Variants in CHRM3 observed in about 807,000 individuals in gnomAD.
The protein encoded by CHRM3 is muscarinic acetylcholine receptor M3.
CHRM3 carries 11 observed loss-of-function variants against 41.8 expected under a neutral mutation model. The ratio of observed to expected loss-of-function variants is 0.26; its 90% confidence interval spans 0.17 to 0.44. The LOEUF (loss-of-function observed/expected upper bound fraction) is 0.44. Ranked by LOEUF, CHRM3 falls within the 20% of genes least tolerant of loss-of-function variation. The pLI is 1.00. For missense variants in CHRM3, 571 were observed against 745.4 expected (o/e 0.77, Z 2.72); for synonymous variants, 297 against 301.4 (o/e 0.99, Z 0.15).
At chr1:239,739,076 C>A (rs970894501) in intron 5 of CHRM3, among the ~76,000 whole-genome samples, 6 of 152,162 alleles carry the variant, frequency 3.9e-5, no homozygotes, top group African/African-American at 1.4e-4. Context: ...CTGTTCTGAG[C>A]AGATTCTATC....
At position 239,386,867 on chromosome 1, in the gene CHRM3, G is replaced by C. The variant is rs1363875611; in HGVS notation, c.-881G>C. The C allele has an allele frequency of 6.6e-6, 1 of 151,962 alleles. No homozygotes were observed. 9.4% of individuals were successfully genotyped at this position (151,962 alleles called of 1,614,324 possible). ...CACAGGGCGCGGGGGCGGCACTGCC[G>C]AGCCGGGAGCGCTGCCGCTTGGGCA... On this transcript the variant is annotated 5_prime_UTR_variant, in exon 1 of 7. Transcript: ENST00000676153.
chr1:239,462,764 A>G (rs1665452003), intron 1 of CHRM3, among the ~76,000 whole-genome samples: 1 of 152,258 alleles, frequency 6.6e-6, no homozygotes, highest in Admixed American at 6.5e-5. Flanking sequence ...AGTTTACTTA[A>G]CAACTGTTTC....
At chr1:239,623,526 T>G (rs1428826686) in intron 3 of CHRM3, among the ~76,000 whole-genome samples, 1 of 134,404 alleles carries the variant, frequency 7.4e-6, no homozygotes, top group Non-Finnish European at 1.6e-5. Flanking sequence ...ACTCTAAGTT[T>G]TAGGGTACAT....
In CHRM3 at chr1:239,580,689, TTA is replaced by T. The variant is rs1165930612; in HGVS notation, c.-313+34955_-313+34956del. ...GCCACTCAGGCTACTTTGCCCAATT[TTA>T]TATATATATATATACACACACACAC... is the stretch of plus-strand genomic sequence containing the variant. On this transcript the variant is annotated intron_variant, in intron 3 of 6. Transcript: ENST00000676153. Among the ~76,000 whole-genome samples, 157 of 65,140 alleles carry T rather than the reference TTA, an allele frequency of 2.4e-3. 3 individuals carry two copies. The highest frequency in any genetic ancestry group is 5.4e-3 in the African/African-American group (152 of 28,324). 42.7% of individuals were successfully genotyped at this position (65,140 alleles called of 152,430 possible).
chr1:239,694,935 G>A (rs748500404), intron 5 of CHRM3, among the ~76,000 whole-genome samples: 1 of 150,886 alleles, frequency 6.6e-6, no homozygotes, highest in Non-Finnish European at 1.5e-5. Context: ...TGTCTATGCT[G>A]CAGACCAAAA....
At chr1:239,491,744 T>C (rs1411395785) in intron 1 of CHRM3, among the ~76,000 whole-genome samples, 1 of 152,232 alleles carries the variant, frequency 6.6e-6, no homozygotes, top group Non-Finnish European at 1.5e-5. Flanking sequence ...ATTTTTAGTT[T>C]TTTTGAGAAA....
At chr1:239,523,142 G>A (rs1159393650) in intron 2 of CHRM3, among the ~76,000 whole-genome samples, 2 of 152,010 alleles carry the variant, frequency 1.3e-5, no homozygotes, top group East Asian at 1.9e-4. Context: ...GCTGATTTTT[G>A]TATCTACATA....
intron 5 of CHRM3, among the ~76,000 whole-genome samples, chr1:239,790,406 C>A (rs891113149): frequency 6.6e-6 from 1 of 152,104 alleles, no homozygotes; most frequent in Admixed American, 6.6e-5. Flanking sequence ...AAGTTTCCCC[C>A]AAACTGTTTT....
At chr1:239,844,590 A>C (rs1674110322) in intron 6 of CHRM3, among the ~76,000 whole-genome samples, 1 of 152,108 alleles carries the variant, frequency 6.6e-6, no homozygotes, top group Admixed American at 6.6e-5. Flanking sequence ...CGAGCGTTAG[A>C]GCTATATGCT....
At chr1:239,649,726 T>A (rs532040273) in intron 4 of CHRM3, among the ~76,000 whole-genome samples, 38 of 151,950 alleles carry the variant, frequency 2.5e-4, no homozygotes, top group Admixed American at 9.2e-4. Flanking sequence ...GTAGAGATCT[T>A]GAGTGCGAGA....
intron 3 of CHRM3, among the ~76,000 whole-genome samples, chr1:239,589,377 C>G (rs1473634480): frequency 6.6e-6 from 1 of 151,544 alleles, no homozygotes; most frequent in Non-Finnish European, 1.5e-5. Context: ...AGACATCTTT[C>G]TGCCAAAGAT....
intron 3 of CHRM3, among the ~76,000 whole-genome samples, chr1:239,557,769 G>A (rs1660498187): frequency 6.6e-6 from 1 of 152,092 alleles, no homozygotes; most frequent in South Asian, 2.1e-4. Flanking sequence ...AGTTTGCTGA[G>A]GATAATGGCT....
chr1:239,388,399 C>T (rs1288946276), intron 1 of CHRM3, among the ~76,000 whole-genome samples: 1 of 152,122 alleles, frequency 6.6e-6, no homozygotes, highest in Non-Finnish European at 1.5e-5. Flanking sequence ...TAACCTGTCC[C>T]CTCCCCCCAT....
intron 6 of CHRM3, among the ~76,000 whole-genome samples, chr1:239,840,110 C>A (rs950173466): frequency 6.6e-6 from 1 of 152,338 alleles, no homozygotes; most frequent in South Asian, 2.1e-4. Context: ...CAATCTCACT[C>A]TTCCCCAGAG....
intron 5 of CHRM3, among the ~76,000 whole-genome samples, chr1:239,813,733 C>T (rs1197754122): frequency 2.4e-5 from 3 of 123,310 alleles, no homozygotes; most frequent in South Asian, 2.7e-4. Flanking sequence ...CTGGCTAACA[C>T]GGTGAAACCC....
At chr1:239,442,134 A>T (rs956437187) in intron 1 of CHRM3, among the ~76,000 whole-genome samples, 25 of 140,500 alleles carry the variant, frequency 1.8e-4, no homozygotes, top group Non-Finnish European at 1.2e-4. Flanking sequence ...AGACAGTTTA[A>T]ATATACGTTA....
rs1330283977 is a variant in CHRM3, at chr1:239,770,147, C to T, written c.-146-57105C>T. ...TTCCACAGTGCTTGGAGAGTACAGCCGACCTATGGTATTTTCAGATTTATT... is the reference window on the plus strand; with the variant it reads ...TTCCACAGTGCTTGGAGAGTACAGCTGACCTATGGTATTTTCAGATTTATT... On this transcript the variant is annotated intron_variant, in intron 5 of 6. Transcript: ENST00000676153. Among the ~76,000 whole-genome samples the T allele has an allele frequency of 2.6e-5, 4 of 152,132 alleles. No individual in the cohort carries two copies. In the East Asian group the frequency reaches 5.8e-4, roughly 22 times the overall value.
intron 5 of CHRM3, among the ~76,000 whole-genome samples, chr1:239,779,890 G>A (rs1169712561): frequency 2.0e-5 from 3 of 152,172 alleles, no homozygotes; most frequent in Admixed American, 1.3e-4. Context: ...CATGTAGTAT[G>A]TAGCCTTTTC....
At chr1:239,605,400 C>T (rs747873019) in intron 3 of CHRM3, among the ~76,000 whole-genome samples, 2 of 152,152 alleles carry the variant, frequency 1.3e-5, no homozygotes, top group Admixed American at 6.5e-5. Flanking sequence ...TATACCATAT[C>T]GCCAAGGTGT....
Sources: allele counts gnomAD v4.1 joint callset (sites outside exome capture counted in the v4.1 genomes callset), GRCh38; gene constraint gnomAD v4.1.1; transcripts MANE v1.5; gene names NCBI Gene and HGNC (gene_info 2026-07-23, HGNC 2026-07-21).